EPB41L2: variants seen among roughly 807,000 people sequenced by gnomAD.
EPB41L2 encodes the protein erythrocyte membrane protein band 4.1 like 2, also known as band 4.1-like protein 2.
In EPB41L2, 43 loss-of-function variants were observed where a neutral mutation model predicts 113.0. The observed-to-expected ratio is 0.38, with a 90% CI of 0.30 to 0.49. The LOEUF (loss-of-function observed/expected upper bound fraction) is 0.49, where lower values mean the gene tolerates loss of function less well. Ranked by LOEUF, EPB41L2 falls within the 20% of genes least tolerant of loss-of-function variation. The pLI, the probability that EPB41L2 is intolerant of heterozygous loss-of-function variation, is 0.95. For synonymous variants in EPB41L2, 442 were observed against 436.7 expected (o/e 1.01, Z -0.15); for missense variants, 1,147 against 1,223.4 (o/e 0.94, Z 0.93).
intron 4 of EPB41L2, among the ~76,000 whole-genome samples, chr6:130,910,401 A>G (rs555116119): frequency 2.0e-5 from 3 of 152,264 alleles, no homozygotes; most frequent in East Asian, 3.9e-4. Flanking sequence ...AGACTTAAAC[A>G]TAAGACTAAA....
At chr6:130,983,542 A>T (rs1034098898) in intron 1 of EPB41L2, among the ~76,000 whole-genome samples, 13 of 147,848 alleles carry the variant, frequency 8.8e-5, no homozygotes, top group Admixed American at 8.1e-4. Flanking sequence ...TTTTTGAGAC[A>T]GAGTCTTGAG....
chr6:131,029,903 C>CA (rs1791742734), intron 1 of EPB41L2, among the ~76,000 whole-genome samples: 1 of 140,074 alleles, frequency 7.1e-6, no homozygotes, highest in Non-Finnish European at 1.6e-5. Context: ...CTCTTTTTTT[C>CA]TTTTTTTTTT....
At chr6:131,044,238 C>G (rs889007038) in intron 1 of EPB41L2, among the ~76,000 whole-genome samples, 5 of 149,868 alleles carry the variant, frequency 3.3e-5, no homozygotes, top group African/African-American at 1.3e-4. Flanking sequence ...GTTGCCCCGG[C>G]TGGTCTCAAA....
intron 3 of EPB41L2, among the ~76,000 whole-genome samples, chr6:130,934,034 CA>C (rs1161320128): frequency 6.6e-6 from 1 of 152,112 alleles, no homozygotes; most frequent in African/African-American, 2.4e-5. Context: ...CAACACTATG[CA>C]AATATAAAAG....
chr6:130,894,470 A>G (rs767759314), intron 9 of EPB41L2, 29 bp from the exon 10 acceptor site: 2 of 1,594,386 alleles, frequency 1.3e-6, no homozygotes, highest in South Asian at 1.1e-5. Context: ...ACAAATCAGC[A>G]TATTTCCTTA....
chr6:130,849,123 T>C (rs1777996327), intron 19 of EPB41L2, among the ~76,000 whole-genome samples: 1 of 152,090 alleles, frequency 6.6e-6, no homozygotes, highest in Non-Finnish European at 1.5e-5. Flanking sequence ...AAAGACAGGA[T>C]ATGACAGGCA....
chr6:130,876,538 C>T (rs1562365743), intron 14 of EPB41L2: 2 of 378,572 alleles, frequency 5.3e-6, no homozygotes, highest in Non-Finnish European at 9.5e-6. Flanking sequence ...GGGGATTTAA[C>T]TTTTTAAATG....
intron 1 of EPB41L2, among the ~76,000 whole-genome samples, chr6:131,024,701 C>T (rs998184202): frequency 5.3e-5 from 8 of 152,108 alleles, no homozygotes; most frequent in African/African-American, 1.2e-4. Context: ...GCACATACGA[C>T]GCACTAGGTG....
At chr6:130,916,151 C>G (rs895618792) in intron 4 of EPB41L2, among the ~76,000 whole-genome samples, 28 of 151,720 alleles carry the variant, frequency 1.8e-4, no homozygotes, top group African/African-American at 6.3e-4. Context: ...ATTCAAGGCA[C>G]AAAAAGAGGT....
intron 8 of EPB41L2, among the ~76,000 whole-genome samples, chr6:130,896,122 C>CA (rs1372174930): frequency 6.6e-6 from 1 of 152,274 alleles, no homozygotes; most frequent in African/African-American, 2.4e-5. Context: ...AATAAAAGGA[C>CA]ATTTTGTCTA....
rs1335245573 is a variant in EPB41L2, at chr6:130,956,222, A to G, written c.264T>C (p.Tyr88=). ...IPPWLKKQKS[Y]TLVVAKDGGD... The stretch of plus-strand genomic sequence containing the variant: ...CTCCATCTTTGGCCACTACTAAGGT[A>G]TATGACTTTTGCTTCTTAAGCCATG... The change falls in exon 2 of 20, where the codon TAT becomes TAC. Residue 88 remains tyrosine (Y), a synonymous_variant. Transcript: ENST00000337057. 1 of 1,614,096 alleles carries G rather than the reference A, an allele frequency of 6.2e-7. No homozygotes were observed. The highest frequency in any genetic ancestry group is 8.5e-7 in the Non-Finnish European group (1 of 1,180,056).
intron 1 of EPB41L2, among the ~76,000 whole-genome samples, chr6:130,961,966 A>G (rs1224959520): frequency 6.6e-6 from 1 of 152,234 alleles, no homozygotes; most frequent in Non-Finnish European, 1.5e-5. Context: ...GGCAATGTGT[A>G]GACAGTTCTG....
chr6:131,005,626 A>C (rs997938990), intron 1 of EPB41L2, among the ~76,000 whole-genome samples: 2 of 152,238 alleles, frequency 1.3e-5, no homozygotes, highest in African/African-American at 4.8e-5. Context: ...TATAAGGCAC[A>C]GGGCAGAAGA....
intron 1 of EPB41L2, among the ~76,000 whole-genome samples, chr6:131,051,673 T>C (rs1428786479): frequency 1.3e-5 from 2 of 152,050 alleles, no homozygotes; most frequent in Non-Finnish European, 2.9e-5. Flanking sequence ...GAATTGGAGG[T>C]TCCAGATATC....
intron 1 of EPB41L2, among the ~76,000 whole-genome samples, chr6:130,968,473 T>C (rs969253842): frequency 5.9e-5 from 9 of 152,232 alleles, no homozygotes; most frequent in African/African-American, 1.9e-4. Context: ...TTTTAAGTAA[T>C]TATAGCACTA....
chr6:130,877,547 T>C (rs542377862), intron 14 of EPB41L2, among the ~76,000 whole-genome samples: 7 of 152,114 alleles, frequency 4.6e-5, no homozygotes, highest in Non-Finnish European at 8.8e-5. Context: ...AATGTTATGA[T>C]TGAAAAAACG....
rs2128386606 is a variant in EPB41L2 at position 130,839,454 on chromosome 6, T to C, written c.*1150A>G. The C allele has an allele frequency of 6.6e-6, 1 of 152,262 alleles. No individual in the cohort carries two copies. 9.4% of individuals were successfully genotyped at this position (152,262 alleles called of 1,614,324 possible). On this transcript the variant is annotated 3_prime_UTR_variant, in exon 20 of 20. Coordinates refer to ENST00000337057, the MANE Select transcript of EPB41L2 (RefSeq NM_001431.4). ...TCTAATCTGGCATCGTAACTATACA[T>C]AGGGTCAAAGGCAAAGGAAAAAATG... is the stretch of plus-strand genomic sequence containing the variant.
intron 19 of EPB41L2, among the ~76,000 whole-genome samples, chr6:130,849,866 CAT>C (rs1778252492): frequency 6.6e-6 from 1 of 152,050 alleles, no homozygotes; most frequent in Admixed American, 6.5e-5. Context: ...TGTGGGGAAA[CAT>C]ATGCTCACAA....
intron 1 of EPB41L2, among the ~76,000 whole-genome samples, chr6:130,960,539 G>C (rs900280879): frequency 6.6e-6 from 1 of 152,080 alleles, no homozygotes; most frequent in East Asian, 1.9e-4. Context: ...CACCCATAAG[G>C]GTTAAGAGCC....
Sources: allele counts gnomAD v4.1 joint callset (sites outside exome capture counted in the v4.1 genomes callset), GRCh38; gene constraint gnomAD v4.1.1; transcripts MANE v1.5; gene names NCBI Gene and HGNC (gene_info 2026-07-23, HGNC 2026-07-21).